The following MAP2 variants were observed in gnomAD, a reference collection of about 807,000 sequenced individuals.
MAP2 encodes the protein microtubule associated protein 2, also known as microtubule-associated protein 2.
MAP2 carries 14 observed loss-of-function variants against 137.6 expected under a neutral mutation model. The ratio of observed to expected loss-of-function variants is 0.10; its 90% CI spans 0.07 to 0.16. The LOEUF is 0.16. Ranked by LOEUF, MAP2 falls within the 10% of genes least tolerant of loss-of-function variation. The pLI is 1.00. For missense variants in MAP2, 2,088 were observed against 2,191.5 expected (o/e 0.95, Z 0.94); for synonymous variants, 786 against 782.3 (o/e 1.00, Z -0.08).
chr2:209,619,529 A>C (rs763765330), intron 3 of MAP2, among the ~76,000 whole-genome samples: 1 of 152,138 alleles, frequency 6.6e-6, no homozygotes, highest in Non-Finnish European at 1.5e-5. Context: ...CTGAGCAGAA[A>C]ACAGCAGTGT....
At chr2:209,710,379 C>T in intron 13 of MAP2, 125 bp downstream of exon 13, 1 of 848,218 alleles carries the variant, frequency 1.2e-6, no homozygotes, top group Non-Finnish European at 1.8e-6. Context: ...CAATTTATTG[C>T]TAAGAGTTTG....
At chr2:209,445,573 A>G (rs1416114864) in intron 1 of MAP2, among the ~76,000 whole-genome samples, 1 of 151,636 alleles carries the variant, frequency 6.6e-6, no homozygotes, top group African/African-American at 2.4e-5. Context: ...CACTCAGAAC[A>G]CAAGATCCTC....
intron 6 of MAP2, among the ~76,000 whole-genome samples, chr2:209,678,965 A>G (rs1425334374): frequency 1.3e-5 from 2 of 152,094 alleles, no homozygotes; most frequent in Admixed American, 1.3e-4. Context: ...AGAAATAGTT[A>G]TTATTAAAAT....
chr2:209,611,668 T>A (rs2086924936), intron 3 of MAP2, among the ~76,000 whole-genome samples: 2 of 151,978 alleles, frequency 1.3e-5, no homozygotes, highest in African/African-American at 4.8e-5. Context: ...GAGAGTGGAG[T>A]TATATGAGTC....
intron 2 of MAP2, among the ~76,000 whole-genome samples, chr2:209,523,111 T>C (rs17317756): frequency 0.026 from 4,010 of 152,230 alleles, 61 homozygotes; most frequent in Non-Finnish European, 0.033. Flanking sequence ...ATTCTCCATG[T>C]TTTTTTCTGT....
At chr2:209,631,082 G>A (rs2710473) in intron 4 of MAP2, among the ~76,000 whole-genome samples, 1 of 131,622 alleles carries the variant, frequency 7.6e-6, no homozygotes, top group African/African-American at 2.7e-5. Flanking sequence ...GACTGTCATA[G>A]ACAAATCTAG....
At chr2:209,724,765 T>C (rs1179884402) in intron 13 of MAP2, among the ~76,000 whole-genome samples, 1 of 152,236 alleles carries the variant, frequency 6.6e-6, no homozygotes, top group Admixed American at 6.5e-5. Context: ...TTTATGTGGT[T>C]GCCACTCTTC....
At chr2:209,676,683 TAGAA>T (rs2153678223) in intron 5 of MAP2, among the ~76,000 whole-genome samples, 1 of 138,734 alleles carries the variant, frequency 7.2e-6, no homozygotes, top group Non-Finnish European at 1.5e-5. Context: ...TACGTGCTAA[TAGAA>T]AGATGCAGGA....
chr2:209,511,595 G>T (rs1185521581), intron 2 of MAP2, among the ~76,000 whole-genome samples: 1 of 151,960 alleles, frequency 6.6e-6, no homozygotes, highest in Non-Finnish European at 1.5e-5. Context: ...TTGAAGAGAT[G>T]GAGTCTCCCT....
At chr2:209,560,147 A>G (rs774885115) in intron 2 of MAP2, among the ~76,000 whole-genome samples, 1 of 152,166 alleles carries the variant, frequency 6.6e-6, no homozygotes, top group Non-Finnish European at 1.5e-5. Flanking sequence ...CTGAGACTAA[A>G]CAGAACAGAT....
At chr2:209,546,451 G>A (rs901999384) in intron 2 of MAP2, among the ~76,000 whole-genome samples, 10 of 152,226 alleles carry the variant, frequency 6.6e-5, no homozygotes, top group African/African-American at 2.4e-4. Flanking sequence ...TAGAGATAAT[G>A]TCTGTGGAGT....
chr2:209,612,441 G>A (rs934229687), intron 3 of MAP2, among the ~76,000 whole-genome samples: 17 of 151,934 alleles, frequency 1.1e-4, no homozygotes, highest in African/African-American at 4.1e-4. Flanking sequence ...ATTTCTTTAT[G>A]AAAAAATGGT....
At chr2:209,629,194 T>C (rs1381525961) in intron 4 of MAP2, among the ~76,000 whole-genome samples, 4 of 152,172 alleles carry the variant, frequency 2.6e-5, no homozygotes, top group Non-Finnish European at 5.9e-5. Flanking sequence ...CTTGCAGTCT[T>C]TTAACTAAAT....
chr2:209,548,701 A>G (rs1226444887), intron 2 of MAP2, among the ~76,000 whole-genome samples: 1 of 152,160 alleles, frequency 6.6e-6, no homozygotes, highest in Non-Finnish European at 1.5e-5. Context: ...GGTGGAGGTA[A>G]TTGAATCACG....
intron 3 of MAP2, among the ~76,000 whole-genome samples, chr2:209,605,641 G>A (rs528820413): frequency 2.0e-5 from 3 of 152,190 alleles, no homozygotes; most frequent in African/African-American, 7.2e-5. Context: ...TCCTTAAAAA[G>A]GCTGTTTGGG....
chr2:209,530,381 G>C (rs1175746005), intron 2 of MAP2, among the ~76,000 whole-genome samples: 1 of 152,120 alleles, frequency 6.6e-6, no homozygotes, highest in African/African-American at 2.4e-5. Context: ...TTTTACTTAA[G>C]AAGAAGGAGA....
chr2:209,435,510 G>T (rs1448002757), intron 1 of MAP2, among the ~76,000 whole-genome samples: 1 of 151,820 alleles, frequency 6.6e-6, no homozygotes, highest in Admixed American at 6.6e-5. Context: ...TCCTTTTGGA[G>T]AACAGTTGCC....
At chr2:209,451,989 C>T (rs1700429772) in intron 1 of MAP2, among the ~76,000 whole-genome samples, 1 of 152,124 alleles carries the variant, frequency 6.6e-6, no homozygotes, top group African/African-American at 2.4e-5. Flanking sequence ...CTCTGTTTTT[C>T]ATCTTTCTCT....
At chr2:209,491,288 G>A (rs2059077353) in intron 1 of MAP2, among the ~76,000 whole-genome samples, 1 of 152,116 alleles carries the variant, frequency 6.6e-6, no homozygotes, top group Non-Finnish European at 1.5e-5. Flanking sequence ...CTGAGACACA[G>A]CTAAAGCAGT....
Sources: allele counts gnomAD v4.1 joint callset (sites outside exome capture counted in the v4.1 genomes callset), GRCh38; gene constraint gnomAD v4.1.1; transcripts MANE v1.5; gene names NCBI Gene and HGNC (gene_info 2026-07-23, HGNC 2026-07-21).